The following C5 variants were observed in gnomAD, a reference collection of about 807,000 sequenced individuals.
The protein encoded by C5 is C3 and PZP-like alpha-2-macroglobulin domain-containing protein 4.
A neutral mutation model predicts 218.8 loss-of-function variants in C5; 140 were observed. That is an observed-to-expected ratio of 0.64 (90% CI 0.56 to 0.74). The LOEUF is 0.74. C5 is among the 30% of genes least tolerant of loss of function. The pLI is 0.00. For synonymous variants in C5, 614 were observed against 682.3 expected (o/e 0.90, Z 1.56); for missense variants, 1,700 against 1,969.6 (o/e 0.86, Z 2.59).
Position 120,970,194 on chromosome 9 carries a change from T to G in C5, c.4138A>C (p.Lys1380Gln). The G allele has an allele frequency of 6.2e-7, 1 of 1,613,432 alleles. No homozygotes were observed. The highest frequency in any genetic ancestry group is 8.5e-7 in the Non-Finnish European group (1 of 1,179,420). ...CCTTCAATATCCTGAGTATCGATTT[T>G]CAAATAAAAGCTGCAAACTTCCTCA... The part of the protein sequence containing the change: ...TSEEVCSFYL[K>Q]IDTQDIEASH... The change falls in exon 32 of 41, where the codon AAA (lysine) becomes CAA (glutamine). Residue 1380 changes from lysine (K) to glutamine (Q), a missense_variant. Physicochemically the swap from Lys to Gln is moderately conservative, Grantham distance 53. Transcript: ENST00000223642.
Position 121,034,914 on chromosome 9 carries a change from C to A in C5, c.493-20G>T, listed in dbSNP as rs893526762. 4.0e-6 allele frequency: 5 copies of A among 1,250,318 alleles called. No individual in the cohort carries two copies. The highest frequency in any genetic ancestry group is 2.3e-6 in the Non-Finnish European group (2 of 856,788). 77.5% of individuals were successfully genotyped at this position (1,250,318 alleles called of 1,614,324 possible). ...AGGATCCTGTAAATAAAAACAAACA[C>A]CCTCAAAGGCCAGAAACTACATTTT... On this transcript the variant is annotated intron_variant, in intron 4 of 40. Transcript: ENST00000223642.
intron 3 of C5, among the ~76,000 whole-genome samples, chr9:121,041,134 G>A (rs565895068): frequency 2.3e-4 from 35 of 151,420 alleles, no homozygotes; most frequent in Admixed American, 1.4e-3. Flanking sequence ...AGTGGAAACA[G>A]GGTTTCACCA....
At chr9:120,969,875 T>C (rs921975371) in intron 32 of C5, among the ~76,000 whole-genome samples, 12 of 152,220 alleles carry the variant, frequency 7.9e-5, no homozygotes, top group Non-Finnish European at 1.8e-4. Flanking sequence ...GACCTTAATG[T>C]GGCTTTACAA....
Position 121,016,239 on chromosome 9 carries a change from T to A in C5, c.1996+15A>T. 1 of 1,613,864 alleles carries A rather than the reference T, an allele frequency of 6.2e-7. No homozygotes were observed. On this transcript the variant is annotated intron_variant, in intron 15 of 40. Coordinates refer to ENST00000223642, the MANE Select transcript of C5 (RefSeq NM_001735.3). ...TCAATGGGATTTTCAGTAATAAACA[T>A]GCTGAGCATTTTACCATTTTCTTGG...
intron 28 of C5, 149 bp downstream of exon 28, chr9:120,979,934 G>A (rs1397536769): frequency 2.9e-6 from 2 of 691,438 alleles, no homozygotes; most frequent in Non-Finnish European, 5.2e-6. Flanking sequence ...ATGAATAACG[G>A]CACACATTAC....
chr9:120,965,615 AG>A (rs1338498587), intron 33 of C5, among the ~76,000 whole-genome samples: 1 of 152,202 alleles, frequency 6.6e-6, no homozygotes, highest in Non-Finnish European at 1.5e-5. Flanking sequence ...AATAAAGAAA[AG>A]TATTCTAAAA....
At chr9:121,036,940 T>C (rs2047531290) in intron 4 of C5, among the ~76,000 whole-genome samples, 1 of 152,162 alleles carries the variant, frequency 6.6e-6, no homozygotes, top group Non-Finnish European at 1.5e-5. Context: ...CCATTAGTAG[T>C]ATACCTACTG....
chr9:121,002,246 A>G (rs867253016), intron 20 of C5, among the ~76,000 whole-genome samples: 524 of 41,684 alleles, frequency 0.013, 5 homozygotes, highest in African/African-American at 0.03. Context: ...ATGTATATGT[A>G]TATATATGTA....
At chr9:121,071,371 A>T in the C5 span, among the ~76,000 whole-genome samples, 1 of 152,044 alleles carries the variant, frequency 6.6e-6, no homozygotes, top group African/African-American at 2.4e-5. Flanking sequence ...AAAACAAAAA[A>T]AAATAAATGA....
upstream of C5, among the ~76,000 whole-genome samples, chr9:121,051,121 T>C (rs563936876): frequency 6.7e-4 from 99 of 148,614 alleles, no homozygotes; most frequent in African/African-American, 2.3e-3. Flanking sequence ...TTTATCTTTA[T>C]ACTTTTTTTT....
In C5 at chr9:120,981,955, G is replaced by A; in HGVS notation, c.3391-16C>T. 1.9e-6 allele frequency: 3 copies of A among 1,555,698 alleles called. No homozygotes were observed. Among genetic ancestry groups the A allele is most frequent in the Non-Finnish European group, 2.7e-6 (3 of 1,126,974 alleles). ...GCAAGGTACCCTAAAAAGAAGCAAT[G>A]TTTTAAAAGGGGAGTGAAATGGTGT... On this transcript the variant is annotated splice_polypyrimidine_tract_variant and intron_variant, in intron 26 of 40. Transcript: ENST00000223642.
intron 8 of C5, among the ~76,000 whole-genome samples, chr9:121,026,172 C>A (rs1354421294): frequency 6.6e-6 from 1 of 152,052 alleles, no homozygotes; most frequent in African/African-American, 2.4e-5. Context: ...TAATTTACAT[C>A]TTGAATTAAT....
intron 1 of C5, among the ~76,000 whole-genome samples, chr9:121,048,233 G>T (rs1327486642): frequency 1.3e-5 from 2 of 152,124 alleles, no homozygotes; most frequent in African/African-American, 2.4e-5. Context: ...CTTTAATTTT[G>T]AATTGTGTAT....
intron 1 of C5, among the ~76,000 whole-genome samples, chr9:121,046,936 T>G (rs2047632966): frequency 6.6e-6 from 1 of 152,128 alleles, no homozygotes; most frequent in South Asian, 2.1e-4. Context: ...CTAAATTAGT[T>G]TAAAGGGAGT....
At chr9:120,963,156 T>G (rs1001912667) in intron 34 of C5, among the ~76,000 whole-genome samples, 189 bp from the exon 35 acceptor site, 3 of 152,206 alleles carry the variant, frequency 2.0e-5, no homozygotes, top group African/African-American at 7.2e-5. Flanking sequence ...AGCATGCTAG[T>G]GTATGCTTCT....
chr9:120,999,608 G>A (rs1487792891), intron 20 of C5: 2 of 215,154 alleles, frequency 9.3e-6, no homozygotes, highest in East Asian at 3.4e-4. Flanking sequence ...ACTGAATCCA[G>A]CCAACTGCCT....
At chr9:120,989,176 A>G (rs2131710004) in intron 24 of C5, 55 bp from the exon 25 acceptor site, 1 of 1,378,038 alleles carries the variant, frequency 7.3e-7, no homozygotes, top group Non-Finnish European at 1.0e-6. Flanking sequence ...TTTCTACTCA[A>G]AGAACACTTT....
At chr9:120,971,657 T>C (rs1235506676) in intron 31 of C5, among the ~76,000 whole-genome samples, 6 of 152,236 alleles carry the variant, frequency 3.9e-5, no homozygotes, top group Admixed American at 3.9e-4. Flanking sequence ...CAGGGTGGTC[T>C]TGATCTCCTG....
chr9:121,025,102 T>C (rs41308948), intron 9 of C5, among the ~76,000 whole-genome samples: 4,183 of 152,278 alleles, frequency 0.027, 204 homozygotes, highest in African/African-American at 0.096. Context: ...CACATAATCT[T>C]ATTTTGGTTT....
Sources: gnomAD v4.1 joint callset for allele counts (sites outside exome capture counted in the v4.1 genomes callset) on GRCh38, gnomAD v4.1.1 for gene constraint, MANE v1.5 for transcripts, NCBI Gene and HGNC (gene_info 2026-07-23, HGNC 2026-07-21) for gene names.